Variants in PIAS1 observed in about 807,000 individuals in gnomAD.
The protein encoded by PIAS1 is E3 SUMO-protein ligase PIAS1.
PIAS1 carries 6 observed loss-of-function variants against 71.3 expected under a neutral mutation model. The ratio of observed to expected loss-of-function variants is 0.08; its 90% CI spans 0.05 to 0.17. The LOEUF is 0.17. Among genes scored for constraint, PIAS1 ranks in the 10% least tolerant of loss-of-function variants. The probability of loss-of-function intolerance (pLI) is 1.00; values close to 1 mark genes in which losing one functional copy is unlikely to be tolerated. For missense variants in PIAS1, 555 were observed against 793.6 expected, an observed-to-expected ratio of 0.70 and a Z score of 3.61; for synonymous variants, 303 against 292.9, an observed-to-expected ratio of 1.03 and a Z score of -0.35.
rs1406247054 is a variant in PIAS1 at position 68,188,753 on chromosome 15, C to G, written c.*918C>G. The G allele has an allele frequency of 6.6e-6, 1 of 152,094 alleles. No individual in the cohort carries two copies. Among genetic ancestry groups the G allele is most frequent in the East Asian group, 1.9e-4 (1 of 5,196 alleles). The allele number at this position is 152,094 out of a possible 1,614,324, so 9.4% of individuals were successfully genotyped here. Reference sequence around the variant, plus strand: ...GATTGCCAGTATTGTGTATTTAAACCAAGTCTGTGAATACCTGCTTTTTTT... The same window carrying G: ...GATTGCCAGTATTGTGTATTTAAACGAAGTCTGTGAATACCTGCTTTTTTT... On this transcript the variant is annotated 3_prime_UTR_variant, in exon 14 of 14. Transcript: ENST00000249636.
chr15:68,098,693 A>C (rs532676930), intron 2 of PIAS1, among the ~76,000 whole-genome samples: 41 of 152,256 alleles, frequency 2.7e-4, no homozygotes, highest in Admixed American at 1.1e-3. Flanking sequence ...TAGCTGCTGC[A>C]CCTACAAACA....
intron 2 of PIAS1, among the ~76,000 whole-genome samples, chr15:68,088,176 G>GTATATATATA (rs71455574): frequency 0.012 from 852 of 72,948 alleles, 33 homozygotes; most frequent in African/African-American, 0.031. Context: ...TTATGTGTGT[G>GTATATATATA]TATATATATA....
At chr15:68,128,252 A>G (rs1595748123) in intron 2 of PIAS1, among the ~76,000 whole-genome samples, 1 of 151,930 alleles carries the variant, frequency 6.6e-6, no homozygotes, top group African/African-American at 2.4e-5. Context: ...TGCAGTCTCA[A>G]CCTCCCAAGG....
intron 2 of PIAS1, among the ~76,000 whole-genome samples, chr15:68,114,308 C>A (rs547930094): frequency 6.6e-6 from 1 of 152,012 alleles, no homozygotes; most frequent in South Asian, 2.1e-4. Flanking sequence ...ATTAAGTATT[C>A]TTTCCTTTAA....
chr15:68,077,957 T>C (rs1289154226), intron 1 of PIAS1, among the ~76,000 whole-genome samples: 1 of 152,226 alleles, frequency 6.6e-6, no homozygotes, highest in Non-Finnish European at 1.5e-5. Context: ...GTTTTGTTAA[T>C]ACGTGTTTCT....
At chr15:68,138,938 C>G (rs1427289185) in intron 2 of PIAS1, among the ~76,000 whole-genome samples, 1 of 152,156 alleles carries the variant, frequency 6.6e-6, no homozygotes, top group African/African-American at 2.4e-5. Context: ...ATGGCTGTCA[C>G]TGGATGGTGA....
intron 1 of PIAS1, among the ~76,000 whole-genome samples, chr15:68,064,261 A>C (rs1179297133): frequency 1.3e-5 from 2 of 152,198 alleles, no homozygotes; most frequent in African/African-American, 4.8e-5. Flanking sequence ...CTAATGATAA[A>C]ATTTAAGCTT....
chr15:68,127,954 G>A (rs1259615683), intron 2 of PIAS1, among the ~76,000 whole-genome samples: 1 of 151,918 alleles, frequency 6.6e-6, no homozygotes, highest in Non-Finnish European at 1.5e-5. Context: ...TAGTAGAGAT[G>A]GGGTTTCACC....
intron 2 of PIAS1, among the ~76,000 whole-genome samples, chr15:68,124,654 ATGT>A (rs752702182): frequency 5.3e-5 from 8 of 152,116 alleles, no homozygotes; most frequent in Non-Finnish European, 1.0e-4. Flanking sequence ...CGGGAGGCAG[ATGT>A]TGTTGTGAGC....
intron 1 of PIAS1, among the ~76,000 whole-genome samples, chr15:68,082,459 A>G (rs945930938): frequency 2.0e-5 from 3 of 152,190 alleles, no homozygotes; most frequent in Non-Finnish European, 4.4e-5. Flanking sequence ...AAGAAAGTTA[A>G]TACTTTTAGC....
chr15:68,149,595 TGTTG>T lies in PIAS1; in HGVS notation c.828+2900_828+2903del, dbSNP rs1193152706. On this transcript the variant is annotated intron_variant, in intron 6 of 13. Transcript: ENST00000249636. ...CCTGCATATTTTTTGCTAATTCCCA[TGTTG>T]GTTGTTATTATTACTGCTATTATAA... Among the ~76,000 whole-genome samples the T allele has an allele frequency of 2.6e-5, 4 of 152,200 alleles. No homozygotes were observed. The East Asian group carries it at 5.8e-4, about 22-fold the overall frequency.
In PIAS1 at chr15:68,082,659, A is replaced by G. The variant is rs1013806540; in HGVS notation, c.25-3647A>G. Reference sequence around the variant, plus strand: ...CTGACAATTGATTCAACCAAAAATTATGATAGAAAGATGAGGGAGAGAAGA... The same window carrying G: ...CTGACAATTGATTCAACCAAAAATTGTGATAGAAAGATGAGGGAGAGAAGA... On this transcript the variant is annotated intron_variant, in intron 1 of 13. Coordinates refer to ENST00000249636, the MANE Select transcript of PIAS1 (RefSeq NM_016166.3). Among the ~76,000 whole-genome samples the G allele has an allele frequency of 2.6e-5, 4 of 152,156 alleles. No homozygotes were observed. The East Asian group carries it at 7.7e-4, about 29-fold the overall frequency.
At chr15:68,143,932 C>A (rs983388526) in intron 4 of PIAS1, among the ~76,000 whole-genome samples, 1 of 151,996 alleles carries the variant, frequency 6.6e-6, no homozygotes, top group Non-Finnish European at 1.5e-5. Flanking sequence ...AGTTTAAAAA[C>A]CGTAGCTTTA....
chr15:68,152,952 G>C (rs1483472800), intron 6 of PIAS1, among the ~76,000 whole-genome samples: 1 of 117,630 alleles, frequency 8.5e-6, no homozygotes, highest in Non-Finnish European at 1.7e-5. Context: ...TGGGTAGTCT[G>C]TCTGCTGGTA....
chr15:68,112,654 G>A (rs1795967073), intron 2 of PIAS1, among the ~76,000 whole-genome samples: 1 of 152,166 alleles, frequency 6.6e-6, no homozygotes, highest in African/African-American at 2.4e-5. Flanking sequence ...TTTCTAGAAA[G>A]TCAAAGAAAT....
chr15:68,104,592 A>T (rs151064949), intron 2 of PIAS1, among the ~76,000 whole-genome samples: 1 of 152,038 alleles, frequency 6.6e-6, no homozygotes, highest in East Asian at 1.9e-4. Context: ...AGCTAAAAAC[A>T]ATTGATCTCA....
intron 1 of PIAS1, among the ~76,000 whole-genome samples, chr15:68,063,802 A>G (rs2091986255): frequency 6.6e-6 from 1 of 152,116 alleles, no homozygotes; most frequent in Non-Finnish European, 1.5e-5. Flanking sequence ...ACGTGCTGAC[A>G]TTTGCAAAAT....
At chr15:68,182,811 A>G (rs998340324) in intron 12 of PIAS1, among the ~76,000 whole-genome samples, 5 of 152,208 alleles carry the variant, frequency 3.3e-5, no homozygotes, top group South Asian at 4.1e-4. Flanking sequence ...CAACAGTGCT[A>G]TGCATTTTGT....
intron 1 of PIAS1, among the ~76,000 whole-genome samples, chr15:68,066,070 C>T (rs1003054420): frequency 1.3e-5 from 2 of 151,104 alleles, no homozygotes; most frequent in African/African-American, 4.9e-5. Flanking sequence ...TACTTGTAAT[C>T]AGTAATGGTG....
Sources: gnomAD v4.1 joint callset for allele counts (sites outside exome capture counted in the v4.1 genomes callset) on GRCh38, gnomAD v4.1.1 for gene constraint, MANE v1.5 for transcripts, NCBI Gene and HGNC (gene_info 2026-07-23, HGNC 2026-07-21) for gene names.